DAB1: variants seen among roughly 807,000 people sequenced by gnomAD.
The protein encoded by DAB1 is DAB adaptor protein 1, also known as disabled homolog 1.
DAB1 carries 15 observed loss-of-function variants against 64.6 expected under a neutral mutation model. The observed-to-expected ratio is 0.23, with a 90% CI of 0.16 to 0.36. DAB1 has a LOEUF of 0.36. Among genes scored for constraint, DAB1 ranks in the 10% least tolerant of loss-of-function variants. The pLI is 1.00. For synonymous variants in DAB1, 235 were observed against 251.9 expected (o/e 0.93, Z 0.64); for missense variants, 596 against 706.7 (o/e 0.84, Z 1.78).
At chr1:57,669,501 G>T (rs1411238753) in intron 6 of DAB1, among the ~76,000 whole-genome samples, 2 of 152,084 alleles carry the variant, frequency 1.3e-5, no homozygotes, top group Non-Finnish European at 2.9e-5. Context: ...TTAACTTACT[G>T]CTGCACCTGG....
rs150422946 is a variant in DAB1 at position 57,974,739 on chromosome 1, A to C, written n.388-90577T>G. Among the ~76,000 whole-genome samples, 429 of 152,246 alleles carry C rather than the reference A, an allele frequency of 2.8e-3. 4 individuals are homozygous for C. Among genetic ancestry groups the C allele is most frequent in the African/African-American group, 9.6e-3 (398 of 41,540 alleles). ...CTTGCACATATATCTTCCATACCAGATATCATCTATACATTTATGTGTCCA... is the reference window on the plus strand; with the variant it reads ...CTTGCACATATATCTTCCATACCAGCTATCATCTATACATTTATGTGTCCA... On this transcript the variant is annotated intron_variant and non_coding_transcript_variant, in intron 5 of 20. Coordinates refer to the DAB1 transcript ENST00000485760.
At chr1:58,302,537 A>G (rs1662196004) in intron 4 of DAB1, among the ~76,000 whole-genome samples, 1 of 152,168 alleles carries the variant, frequency 6.6e-6, no homozygotes, top group South Asian at 2.1e-4. Context: ...AATTTCTCCT[A>G]TGTGCCAGGC....
chr1:58,202,237 CT>C (rs1174590886), intron 4 of DAB1, among the ~76,000 whole-genome samples: 1 of 152,234 alleles, frequency 6.6e-6, no homozygotes, highest in Non-Finnish European at 1.5e-5. Context: ...TGCCTTCTGA[CT>C]TTAATTGAAT....
intron 7 of DAB1, among the ~76,000 whole-genome samples, chr1:57,639,761 G>A (rs1197157420): frequency 2.6e-5 from 4 of 152,096 alleles, no homozygotes; most frequent in African/African-American, 4.8e-5. Flanking sequence ...ACAGTCTAAT[G>A]TACTGGAGAG....
At chr1:57,625,699 A>G (rs1294753741) in intron 7 of DAB1, among the ~76,000 whole-genome samples, 1 of 152,196 alleles carries the variant, frequency 6.6e-6, no homozygotes, top group Non-Finnish European at 1.5e-5. Flanking sequence ...GGAATGGTAA[A>G]AAGATAAAGT....
At chr1:57,200,478 G>A (rs2100267940) in intron 2 of DAB1, among the ~76,000 whole-genome samples, 1 of 152,306 alleles carries the variant, frequency 6.6e-6, no homozygotes, top group East Asian at 1.9e-4. Flanking sequence ...GTGGTTACGA[G>A]CATGTAGTGT....
chr1:58,531,949 CA>C (rs768380272), intron 1 of DAB1, among the ~76,000 whole-genome samples: 1 of 152,024 alleles, frequency 6.6e-6, no homozygotes, highest in Non-Finnish European at 1.5e-5. Flanking sequence ...CCTCATGATC[CA>C]CCCACCTCAG....
chr1:57,236,285 T>C (rs1440281227), intron 2 of DAB1, among the ~76,000 whole-genome samples: 1 of 152,216 alleles, frequency 6.6e-6, no homozygotes, highest in Non-Finnish European at 1.5e-5. Context: ...GGGATTCAAA[T>C]GTGACTAACC....
intron 7 of DAB1, among the ~76,000 whole-genome samples, chr1:57,513,635 C>A (rs1219810970): frequency 6.6e-6 from 1 of 152,146 alleles, no homozygotes; most frequent in Non-Finnish European, 1.5e-5. Flanking sequence ...CATTGTGGAA[C>A]TGCCAAATGA....
At chr1:58,074,583 T>C (rs1173011922) in intron 5 of DAB1, among the ~76,000 whole-genome samples, 1 of 131,898 alleles carries the variant, frequency 7.6e-6, no homozygotes, top group Non-Finnish European at 1.6e-5. Context: ...TATATATATA[T>C]ATATATATAT....
At chr1:57,188,104 A>G (rs1289801464) in intron 2 of DAB1, among the ~76,000 whole-genome samples, 1 of 152,204 alleles carries the variant, frequency 6.6e-6, no homozygotes, top group African/African-American at 2.4e-5. Context: ...CAGGCATAGC[A>G]AAGAATAAAG....
intron 7 of DAB1, among the ~76,000 whole-genome samples, chr1:57,486,037 A>AATT (rs1644087333): frequency 6.6e-6 from 1 of 152,086 alleles, no homozygotes; most frequent in Non-Finnish European, 1.5e-5. Flanking sequence ...AATTAATTGT[A>AATT]CCTTCTCTAA....
chr1:58,311,126 T>G (rs1662421254), intron 4 of DAB1, among the ~76,000 whole-genome samples: 1 of 152,118 alleles, frequency 6.6e-6, no homozygotes, highest in Non-Finnish European at 1.5e-5. Flanking sequence ...ACCCTACATC[T>G]AAGTCCTTGG....
intron 4 of DAB1, among the ~76,000 whole-genome samples, chr1:58,210,202 T>C (rs1658486129): frequency 6.6e-6 from 1 of 152,244 alleles, no homozygotes; most frequent in Non-Finnish European, 1.5e-5. Flanking sequence ...GATTTGGATC[T>C]GCATCTGCTT....
intron 6 of DAB1, among the ~76,000 whole-genome samples, chr1:57,786,872 T>C (rs1650360775): frequency 6.6e-6 from 1 of 152,154 alleles, no homozygotes; most frequent in Non-Finnish European, 1.5e-5. Flanking sequence ...TAAAATTCTG[T>C]GAATAAAATA....
chr1:57,379,669 T>C (rs1011213925), intron 1 of DAB1, among the ~76,000 whole-genome samples: 2 of 152,162 alleles, frequency 1.3e-5, no homozygotes, highest in South Asian at 2.1e-4. Context: ...GCTGTTTGCT[T>C]GTTCACCAGC....
intron 2 of DAB1, among the ~76,000 whole-genome samples, chr1:57,174,740 G>A (rs924360553): frequency 3.3e-5 from 5 of 152,066 alleles, no homozygotes; most frequent in Admixed American, 1.3e-4. Context: ...GCTCTACTCC[G>A]AACAGGAATG....
intron 3 of DAB1, among the ~76,000 whole-genome samples, chr1:58,402,851 A>C (rs1200136395): frequency 6.6e-6 from 1 of 152,238 alleles, no homozygotes; most frequent in Non-Finnish European, 1.5e-5. Flanking sequence ...TATGGTTGCC[A>C]TAAGTCAAAT....
At position 58,119,327 on chromosome 1, in the gene DAB1, T is replaced by G. The variant is rs184466300; in HGVS notation, n.387+31184A>C. 3.9e-5 allele frequency among the ~76,000 whole-genome samples: 6 copies of G among 152,148 alleles called. No individual in the cohort carries two copies. In the East Asian group the frequency reaches 9.7e-4, roughly 24 times the overall value. On this transcript the variant is annotated intron_variant and non_coding_transcript_variant, in intron 5 of 20. Coordinates refer to the DAB1 transcript ENST00000485760. ...TTTGGTGGCACAAACTGACATGAAC[T>G]GACAGAATGCTACTTATAGTGTTAT...
Sources: allele counts gnomAD v4.1 joint callset (sites outside exome capture counted in the v4.1 genomes callset), GRCh38; gene constraint gnomAD v4.1.1; transcripts MANE v1.5; gene names NCBI Gene and HGNC (gene_info 2026-07-23, HGNC 2026-07-21).